Variants in QTMAN observed in about 807,000 individuals in gnomAD.
QTMAN encodes the protein queuosine-tRNA mannosyltransferase, also known as tRNA-queuosine alpha-mannosyltransferase.
At chr2:144,183,421 C>G in the QTMAN span, among the ~76,000 whole-genome samples, 55 of 152,194 alleles carry the variant, frequency 3.6e-4, no homozygotes, top group Non-Finnish European at 6.2e-4. Flanking sequence ...TGGCCCACTA[C>G]TATGCCATTT....
At chr2:144,079,631 T>A in the QTMAN span, among the ~76,000 whole-genome samples, 1 of 152,040 alleles carries the variant, frequency 6.6e-6, no homozygotes, top group Admixed American at 6.6e-5. Context: ...CTTCTTTCCA[T>A]TAAAGACAGC....
At chr2:144,244,397 G>A in the QTMAN span, among the ~76,000 whole-genome samples, 2 of 152,152 alleles carry the variant, frequency 1.3e-5, no homozygotes, top group Non-Finnish European at 1.5e-5. Context: ...GACATTCACT[G>A]TAACAACTTG....
At chr2:144,018,274 C>T in the QTMAN span, among the ~76,000 whole-genome samples, 1 of 152,022 alleles carries the variant, frequency 6.6e-6, no homozygotes, top group African/African-American at 2.4e-5. Context: ...TGCCTATCCA[C>T]AACCTGAATA....
At chr2:144,222,204 C>T in the QTMAN span, among the ~76,000 whole-genome samples, 1 of 151,742 alleles carries the variant, frequency 6.6e-6, no homozygotes, top group Admixed American at 6.6e-5. Flanking sequence ...GGACAACAGG[C>T]GCCCGCCACC....
the QTMAN span, among the ~76,000 whole-genome samples, chr2:144,332,261 C>T: frequency 6.6e-6 from 1 of 151,386 alleles, no homozygotes; most frequent in East Asian, 2.0e-4. Flanking sequence ...CGGCTCTCAG[C>T]TCCGCCTCCC....
At chr2:144,130,170 C>T in the QTMAN span, among the ~76,000 whole-genome samples, 1 of 151,096 alleles carries the variant, frequency 6.6e-6, no homozygotes, top group African/African-American at 2.4e-5. Context: ...GAAAGCCTAT[C>T]TTTTCTAATC....
chr2:144,118,150 C>G, the QTMAN span, among the ~76,000 whole-genome samples: 1 of 152,064 alleles, frequency 6.6e-6, no homozygotes, highest in Admixed American at 6.6e-5. Flanking sequence ...AGTACACTAA[C>G]ATTTTTAAAA....
the QTMAN span, among the ~76,000 whole-genome samples, chr2:144,110,189 T>C: frequency 1.2e-3 from 176 of 152,254 alleles, no homozygotes; most frequent in African/African-American, 4.0e-3. Context: ...GGCACATATA[T>C]ACCATGGAAT....
At chr2:144,204,349 T>G in the QTMAN span, among the ~76,000 whole-genome samples, 1 of 152,148 alleles carries the variant, frequency 6.6e-6, no homozygotes, top group Non-Finnish European at 1.5e-5. Context: ...AACAGACACT[T>G]CTTAAAAGAA....
At chr2:143,990,033 G>T in the QTMAN span, among the ~76,000 whole-genome samples, 1 of 152,066 alleles carries the variant, frequency 6.6e-6, no homozygotes, top group African/African-American at 2.4e-5. Context: ...AAATGAATCA[G>T]AATCTCTCAG....
chr2:143,940,890 A>G, the QTMAN span: 1 of 152,282 alleles, frequency 6.6e-6, no homozygotes, highest in Non-Finnish European at 1.5e-5. Context: ...AACTTTTAGT[A>G]CAGAAATCAA....
the QTMAN span, among the ~76,000 whole-genome samples, chr2:144,229,401 C>A: frequency 1.3e-5 from 2 of 152,128 alleles, no homozygotes; most frequent in African/African-American, 2.4e-5. Flanking sequence ...TCTCAGTTAC[C>A]CTTTCAGTGG....
At chr2:144,280,058 A>C in the QTMAN span, among the ~76,000 whole-genome samples, 1 of 152,338 alleles carries the variant, frequency 6.6e-6, no homozygotes, top group South Asian at 2.1e-4. Flanking sequence ...ACTTTTTGGT[A>C]ATAAATGGCC....
At chr2:144,167,810 T>C in the QTMAN span, among the ~76,000 whole-genome samples, 1 of 152,242 alleles carries the variant, frequency 6.6e-6, no homozygotes, top group African/African-American at 2.4e-5. Flanking sequence ...TACACTAATA[T>C]TGGACAAATT....
the QTMAN span, among the ~76,000 whole-genome samples, chr2:144,107,168 T>G: frequency 1.3e-5 from 2 of 152,112 alleles, no homozygotes; most frequent in Admixed American, 6.5e-5. Context: ...AGATCTAAAA[T>G]TGACACCCTA....
At chr2:143,970,661 T>C in the QTMAN span, 3 of 1,555,426 alleles carry the variant, frequency 1.9e-6, no homozygotes, top group Admixed American at 1.7e-5. Context: ...ACCTGGGACA[T>C]CTGTGAAGGT....
At chr2:143,957,116 A>G in the QTMAN span, 1 of 1,130,476 alleles carries the variant, frequency 8.8e-7, no homozygotes. Context: ...TTAATGTATT[A>G]TTTGAAATAA....
At chr2:144,063,327 T>G in the QTMAN span, among the ~76,000 whole-genome samples, 1 of 152,178 alleles carries the variant, frequency 6.6e-6, no homozygotes, top group East Asian at 1.9e-4. Flanking sequence ...GTCAACTGAT[T>G]CAACTGATTG....
the QTMAN span, among the ~76,000 whole-genome samples, chr2:144,133,284 C>T: frequency 1.4e-3 from 57 of 41,858 alleles, no homozygotes; most frequent in African/African-American, 2.5e-3. Context: ...TTTATATATA[C>T]ATATATAAAT....
Sources: gnomAD v4.1 joint callset for allele counts (sites outside exome capture counted in the v4.1 genomes callset) on GRCh38, gnomAD v4.1.1 for gene constraint, MANE v1.5 for transcripts, NCBI Gene and HGNC (gene_info 2026-07-23, HGNC 2026-07-21) for gene names.